Variants in PALS2 observed in about 807,000 individuals in gnomAD.
The protein encoded by PALS2 is protein associated with LIN7 2, MAGUK p55 family member.
PALS2 carries 27 observed loss-of-function variants against 61.6 expected under a neutral mutation model. The observed-to-expected ratio is 0.44, with a 90% confidence interval of 0.32 to 0.60. The LOEUF is 0.60. PALS2 is among the 20% of genes least tolerant of loss of function. The pLI, the probability that PALS2 is intolerant of heterozygous loss-of-function variation, is 0.05. For synonymous variants in PALS2, 236 were observed against 218.6 expected (o/e 1.08, Z -0.70); for missense variants, 554 against 639.4 (o/e 0.87, Z 1.44).
intron 1 of PALS2, among the ~76,000 whole-genome samples, chr7:24,616,021 T>C (rs932272170): frequency 1.3e-4 from 20 of 152,054 alleles, no homozygotes; most frequent in Non-Finnish European, 2.1e-4. Context: ...AAAAACTCAA[T>C]AAATTAGGTA....
chr7:24,627,952 G>GTTT (rs1258140873), intron 2 of PALS2, among the ~76,000 whole-genome samples: 1 of 152,114 alleles, frequency 6.6e-6, no homozygotes, highest in Admixed American at 6.5e-5. Context: ...AACAGGAGCT[G>GTTT]GTACCATTCC....
At chr7:24,609,329 C>A (rs1784033399) in intron 1 of PALS2, among the ~76,000 whole-genome samples, 1 of 152,146 alleles carries the variant, frequency 6.6e-6, no homozygotes. Context: ...GGTTTGTCCT[C>A]AGGCAGACTG....
intron 1 of PALS2, among the ~76,000 whole-genome samples, chr7:24,611,027 C>T (rs1784091851): frequency 6.6e-6 from 1 of 152,038 alleles, no homozygotes; most frequent in Non-Finnish European, 1.5e-5. Context: ...GAACCTATCA[C>T]CTAATGTAGT....
intron 5 of PALS2, among the ~76,000 whole-genome samples, chr7:24,658,185 T>C (rs1449474337): frequency 6.6e-6 from 1 of 152,212 alleles, no homozygotes; most frequent in Non-Finnish European, 1.5e-5. Flanking sequence ...ATCTTTTCTT[T>C]TGCAATGTCT....
At chr7:24,658,047 G>A (rs557841538) in intron 5 of PALS2, among the ~76,000 whole-genome samples, 56 of 152,208 alleles carry the variant, frequency 3.7e-4, no homozygotes, top group African/African-American at 1.1e-3. Flanking sequence ...TTTGGTGACT[G>A]TAGTTACATG....
chr7:24,683,128 A>G (rs1788019230), intron 11 of PALS2, among the ~76,000 whole-genome samples: 1 of 152,168 alleles, frequency 6.6e-6, no homozygotes, highest in Non-Finnish European at 1.5e-5. Flanking sequence ...AACTTTATTG[A>G]TCTTTGCCTT....
chr7:24,588,845 TTGAA>T (rs929641439), intron 1 of PALS2, among the ~76,000 whole-genome samples: 1 of 152,200 alleles, frequency 6.6e-6, no homozygotes, highest in African/African-American at 2.4e-5. Context: ...AAGATAAAAG[TTGAA>T]TGAATGTATC....
At chr7:24,598,594 A>G (rs1347319798) in intron 1 of PALS2, among the ~76,000 whole-genome samples, 1 of 152,216 alleles carries the variant, frequency 6.6e-6, no homozygotes, top group Non-Finnish European at 1.5e-5. Context: ...AAAACTTAAA[A>G]TAACCTGTTC....
At chr7:24,627,597 T>G (rs1336478510) in intron 2 of PALS2, among the ~76,000 whole-genome samples, 1 of 151,876 alleles carries the variant, frequency 6.6e-6, no homozygotes, top group African/African-American at 2.4e-5. Flanking sequence ...TTGAAAAGAT[T>G]AGCAAAATAG....
rs376745579 is a variant in PALS2, at chr7:24,619,634, C to T, written c.-2-4032C>T. Among the ~76,000 whole-genome samples, 16 of 149,004 alleles carry T rather than the reference C, an allele frequency of 1.1e-4. 1 individual carries two copies. The highest frequency in any genetic ancestry group is 7.5e-4 in the Admixed American group (11 of 14,728). The stretch of plus-strand genomic sequence containing the variant: ...TCGGGAGGCTGAGGCAGGAGAATGG[C>T]GTGAACCTGGGAGGCGGAGCTTGCA... On this transcript the variant is annotated intron_variant, in intron 1 of 11. Coordinates refer to ENST00000222644, the MANE Select transcript of PALS2 (RefSeq NM_001303037.2).
chr7:24,640,086 G>A (rs1384147980), intron 2 of PALS2, among the ~76,000 whole-genome samples: 1 of 151,496 alleles, frequency 6.6e-6, no homozygotes, highest in Non-Finnish European at 1.5e-5. Flanking sequence ...CAAAGTGCTG[G>A]GATTACAGAC....
At position 24,679,289 on chromosome 7, in the gene PALS2, G is replaced by A. The variant is rs1265711155; in HGVS notation, c.1273G>A (p.Val425Ile). 1 of 1,613,912 alleles carries A rather than the reference G, an allele frequency of 6.2e-7. No homozygotes were observed. The highest frequency in any genetic ancestry group is 1.3e-5 in the African/African-American group (1 of 74,902). The stretch of plus-strand genomic sequence containing the variant: ...AACCAAAATTGATTCTATTCTTGAG[G>A]TTGTCCAAACTGGACGGACTTGCAT... ...YGTKIDSILE[V>I]VQTGRTCILD... Residue 425 changes from valine (V) to isoleucine (I), a missense_variant, in exon 10 of 12, where the codon GTT becomes ATT. Coordinates refer to ENST00000222644, the MANE Select transcript of PALS2 (RefSeq NM_001303037.2).
At chr7:24,676,750 C>G (rs2128029180) in intron 9 of PALS2, among the ~76,000 whole-genome samples, 1 of 151,188 alleles carries the variant, frequency 6.6e-6, no homozygotes, top group Admixed American at 6.6e-5. Context: ...TGTTTTGGTA[C>G]CAGTCCCATG....
At chr7:24,680,971 T>C (rs1453541853) in intron 11 of PALS2, among the ~76,000 whole-genome samples, 1 of 152,232 alleles carries the variant, frequency 6.6e-6, no homozygotes, top group African/African-American at 2.4e-5. Flanking sequence ...TTAGATGTAG[T>C]TAGGATCTGG....
intron 2 of PALS2, among the ~76,000 whole-genome samples, chr7:24,640,822 C>A (rs1027187976): frequency 5.9e-4 from 89 of 152,008 alleles, no homozygotes; most frequent in Admixed American, 1.9e-3. Context: ...TCCTGGCTAA[C>A]ATGGTGAAAC....
At chr7:24,641,984 G>A (rs1785581868) in intron 3 of PALS2, 116 bp downstream of exon 3, 2 of 1,137,010 alleles carry the variant, frequency 1.8e-6, no homozygotes, top group Non-Finnish European at 1.3e-6. Context: ...TAATAGGTAA[G>A]TATGTAAATT....
intron 2 of PALS2, 40 bp from the exon 3 acceptor site, chr7:24,641,676 A>G: frequency 6.7e-7 from 1 of 1,486,466 alleles, no homozygotes; most frequent in East Asian, 2.3e-5. Context: ...TGCAAATAAC[A>G]AATAAGTATT....
chr7:24,666,000 A>G (rs898478866), intron 7 of PALS2, 21 bp from the exon 8 acceptor site: 1 of 1,586,476 alleles, frequency 6.3e-7, no homozygotes, highest in Non-Finnish European at 8.6e-7. Flanking sequence ...CTTAAGTTAT[A>G]TTTGTTTTAT....
Position 24,594,699 on chromosome 7 carries a change from C to G in PALS2, c.-3+21106C>G, listed in dbSNP as rs959885251. 2.6e-5 allele frequency among the ~76,000 whole-genome samples: 4 copies of G among 152,152 alleles called. No homozygotes were observed. In the East Asian group the frequency reaches 7.7e-4, roughly 29 times the overall value. Reference sequence around the variant, plus strand: ...GGGGGTGATTCATGGTGCCCCAAAACAGTAAACAGTAGTAACATCAAAGAG... The same window carrying G: ...GGGGGTGATTCATGGTGCCCCAAAAGAGTAAACAGTAGTAACATCAAAGAG... On this transcript the variant is annotated intron_variant, in intron 1 of 11. Transcript: ENST00000222644.
Sources: gnomAD v4.1 joint callset for allele counts (sites outside exome capture counted in the v4.1 genomes callset) on GRCh38, gnomAD v4.1.1 for gene constraint, MANE v1.5 for transcripts, NCBI Gene and HGNC (gene_info 2026-07-23, HGNC 2026-07-21) for gene names.